The following MIGA2 variants were observed in gnomAD, a reference collection of about 807,000 sequenced individuals.
The protein encoded by MIGA2 is mitoguardin 2.
In MIGA2, 36 loss-of-function variants were observed where a neutral mutation model predicts 69.9. The ratio of observed to expected loss-of-function variants is 0.52; its 90% CI spans 0.39 to 0.68. The LOEUF is 0.68. MIGA2 is among the 30% of genes least tolerant of loss of function. The probability of loss-of-function intolerance (pLI) is 0.00; values close to 1 mark genes in which losing one functional copy is unlikely to be tolerated. For synonymous variants in MIGA2, 333 were observed against 349.2 expected, an observed-to-expected ratio of 0.95 and a Z score of 0.52; for missense variants, 660 against 787.7, an observed-to-expected ratio of 0.84 and a Z score of 1.94.
chr9:129,059,176 T>C lies in MIGA2; in HGVS notation c.698T>C (p.Phe233Ser), dbSNP rs1188056430. Residue 233 changes from phenylalanine to serine, a missense_variant, in exon 7 of 16, where the codon TTT (phenylalanine) becomes TCT (serine). Around this residue, in one of 3 missense-constraint regions of MIGA2, gnomAD observed 386 missense variants for 402.0 expected, o/e 0.96. Coordinates refer to ENST00000684074, the MANE Select transcript of MIGA2 (RefSeq NM_001329990.2). The surrounding 1 kb of genome is among the most constrained non-coding windows in gnomAD (Gnocchi z 5.6). ...LSEPESQRKE[F>S]AEKLESLLHR... Reference sequence around the variant, plus strand: ...CAGCCAGAGTCACAGCGGAAGGAGTTTGCAGAGAAGCTGGAGTCCCTGCTG... The same window carrying C: ...CAGCCAGAGTCACAGCGGAAGGAGTCTGCAGAGAAGCTGGAGTCCCTGCTG... The C allele has an allele frequency of 1.2e-6, 2 of 1,613,376 alleles. No homozygotes were observed. Among genetic ancestry groups the C allele is most frequent in the Non-Finnish European group, 1.7e-6 (2 of 1,179,698 alleles).
intron 3 of MIGA2, among the ~76,000 whole-genome samples, chr9:129,043,629 C>T (rs1211892241): frequency 7.9e-5 from 12 of 151,940 alleles, no homozygotes; most frequent in East Asian, 5.8e-4. Flanking sequence ...TCAAGTGATC[C>T]GCCCACCTCA....
At position 129,071,048 on chromosome 9, in the gene MIGA2, A is replaced by G. The variant is rs1372997412; in HGVS notation, c.*595A>G. 6.5e-6 allele frequency: 1 copy of G among 152,732 alleles called. No homozygotes were observed. The highest frequency in any genetic ancestry group is 1.5e-5 in the Non-Finnish European group (1 of 68,202). The allele number at this position is 152,732 out of a possible 1,614,324, so 9.5% of individuals were successfully genotyped here. On this transcript the variant is annotated 3_prime_UTR_variant, in exon 16 of 16. Coordinates refer to ENST00000684074, the MANE Select transcript of MIGA2 (RefSeq NM_001329990.2). ...CTTCTGAGCAGGAACTGGGCCCTTGACAGTGTCCTTTGACATTCCCTCGCC... is the reference window on the plus strand; with the variant it reads ...CTTCTGAGCAGGAACTGGGCCCTTGGCAGTGTCCTTTGACATTCCCTCGCC...
At chr9:129,042,113 T>C in intron 2 of MIGA2, 191 bp from the exon 3 acceptor site, 1 of 610,448 alleles carries the variant, frequency 1.6e-6, no homozygotes, top group Non-Finnish European at 3.0e-6. Flanking sequence ...TCTTTATGTT[T>C]TTGTGGCCTG....
At chr9:129,065,737 C>A (rs1055114871) in intron 11 of MIGA2, among the ~76,000 whole-genome samples, 6 of 152,170 alleles carry the variant, frequency 3.9e-5, no homozygotes, top group African/African-American at 9.7e-5. Flanking sequence ...GGAAGCCCCC[C>A]ACACCACTTT....
intron 11 of MIGA2, among the ~76,000 whole-genome samples, chr9:129,065,084 C>CA (rs2131389568): frequency 6.6e-6 from 1 of 150,922 alleles, no homozygotes; most frequent in South Asian, 2.1e-4. Flanking sequence ...CACCTGTCCT[C>CA]AATCTTTTTT....
At chr9:129,051,965 A>G (rs921711301) in intron 6 of MIGA2, among the ~76,000 whole-genome samples, 1 of 151,960 alleles carries the variant, frequency 6.6e-6, no homozygotes, top group African/African-American at 2.4e-5. Flanking sequence ...AGCTGGGACT[A>G]CAGGTGCCTA....
rs191714340 is a variant in MIGA2, at chr9:129,066,231, G to T, written c.1171-1542G>T. The stretch of plus-strand genomic sequence containing the variant: ...GACTGGATTTGAAGCCAGGTGGCCC[G>T]GACCCAGCCTGAGCCCTTGACTTGG... On this transcript the variant is annotated intron_variant, in intron 11 of 15. Coordinates refer to ENST00000684074, the MANE Select transcript of MIGA2 (RefSeq NM_001329990.2). Among the ~76,000 whole-genome samples the T allele has an allele frequency of 5.9e-5, 9 of 152,270 alleles. No homozygotes were observed. In the East Asian group the frequency reaches 1.7e-3, roughly 29 times the overall value.
Position 129,059,251 on chromosome 9 carries a change from A to G in MIGA2, c.773A>G (p.Asp258Gly). ...QEEFGSTFPA[D>G]SMLLDLERTL... ...GAGTTCGGCTCCACCTTCCCCGCAG[A>G]CAGCATGCTGCTAGACCTCGGTGAG... The change falls in exon 7 of 16, where the codon GAC becomes GGC. Residue 258 changes from aspartate (D) to glycine (G), a missense_variant. Around this residue, in one of 3 missense-constraint regions of MIGA2, gnomAD observed 386 missense variants for 402.0 expected, o/e 0.96. Transcript: ENST00000684074. The surrounding 1 kb of genome is among the most constrained non-coding windows in gnomAD (Gnocchi z 5.6). The G allele has an allele frequency of 6.3e-6, 10 of 1,586,898 alleles. No individual in the cohort carries two copies. The highest frequency in any genetic ancestry group is 7.7e-6 in the Non-Finnish European group (9 of 1,165,384).
Position 129,059,178 on chromosome 9 carries a change from G to T in MIGA2, c.700G>T (p.Ala234Ser), listed in dbSNP as rs1254768981. ...GCCAGAGTCACAGCGGAAGGAGTTT[G>T]CAGAGAAGCTGGAGTCCCTGCTGCA... ...SEPESQRKEF[A>S]EKLESLLHRA... Residue 234 changes from alanine (A) to serine (S), a missense_variant, in exon 7 of 16, where the codon GCA (alanine) becomes TCA (serine). Coordinates refer to ENST00000684074, the MANE Select transcript of MIGA2 (RefSeq NM_001329990.2). The surrounding 1 kb of genome is among the most constrained non-coding windows in gnomAD (Gnocchi z 5.6). 1 of 1,613,540 alleles carries T rather than the reference G, an allele frequency of 6.2e-7. No homozygotes were observed. The highest frequency in any genetic ancestry group is 8.5e-7 in the Non-Finnish European group (1 of 1,179,698).
chr9:129,051,363 C>T (rs142382295), intron 6 of MIGA2: 2,156 of 158,776 alleles, frequency 0.014, 57 homozygotes, highest in African/African-American at 0.044. Context: ...GTGCAACCTC[C>T]GCTTCCTGGG....
rs1473930045 is a variant in MIGA2, at chr9:129,042,532, G to A, written c.307+18G>A. Reference sequence around the variant, plus strand: ...GAAGAAAGGTAGGTGTGAGGTGGTGGGCATAGGCCTGACCTGAGGTCACAT... The same window carrying A: ...GAAGAAAGGTAGGTGTGAGGTGGTGAGCATAGGCCTGACCTGAGGTCACAT... On this transcript the variant is annotated intron_variant, in intron 3 of 15. Transcript: ENST00000684074. The A allele has an allele frequency of 6.5e-7, 1 of 1,545,576 alleles. No individual in the cohort carries two copies. Among genetic ancestry groups the A allele is most frequent in the Non-Finnish European group, 8.7e-7 (1 of 1,148,168 alleles).
In MIGA2 at chr9:129,068,722, C is replaced by T. The variant is rs980574741; in HGVS notation, c.1405-354C>T. On this transcript the variant is annotated intron_variant, in intron 13 of 15. Transcript: ENST00000684074. This position sits in a 1 kb window ranked among gnomAD's most constrained non-coding sequence, Gnocchi z 4.1. ...CCCAGGAAGGCAAGCAGTAACGCTC[C>T]AGCAGCCGGGCTGTGCTGCCTGGGC... 4 of 418,200 alleles carry T rather than the reference C, an allele frequency of 9.6e-6. No homozygotes were observed. The highest frequency in any genetic ancestry group is 6.0e-5 in the African/African-American group (3 of 49,986). The allele number at this position is 418,200 out of a possible 1,614,324, so 25.9% of individuals were successfully genotyped here.
Position 129,070,350 on chromosome 9 carries a change from G to A in MIGA2, c.1679G>A (p.Arg560His), listed in dbSNP as rs763100787. 1.2e-5 allele frequency: 19 copies of A among 1,612,886 alleles called. No individual in the cohort carries two copies. The highest frequency in any genetic ancestry group is 1.1e-4 in the African/African-American group (8 of 74,954). The change falls in exon 16 of 16, where the codon CGC (arginine) becomes CAC (histidine). Residue 560 changes from arginine (R) to histidine (H), a missense_variant. By Grantham distance (29) the Arg-to-His change is conservative. Around this residue, in one of 3 missense-constraint regions of MIGA2, gnomAD observed 220 missense variants for 301.7 expected, o/e 0.73. Coordinates refer to ENST00000684074, the MANE Select transcript of MIGA2 (RefSeq NM_001329990.2). ...ADDILQLSRR[R>H]SEILLGYLGV... ...GACATCCTGCAGCTGTCCCGGCGCC[G>A]CAGCGAGATATTGCTGGGGTACCTG...
At chr9:129,048,809 A>C (rs986302061) in intron 4 of MIGA2, among the ~76,000 whole-genome samples, 5 of 152,152 alleles carry the variant, frequency 3.3e-5, no homozygotes, top group African/African-American at 1.2e-4. Flanking sequence ...TTCATCAGCC[A>C]CTGACAAGCA....
In MIGA2 at chr9:129,070,526, G is replaced by A; in HGVS notation, c.*73G>A. The A allele has an allele frequency of 7.0e-7, 1 of 1,422,878 alleles. No homozygotes were observed. The highest frequency in any genetic ancestry group is 2.6e-5 in the Admixed American group (1 of 37,832). The allele number at this position is 1,422,878 out of a possible 1,614,324, so 88.1% of individuals were successfully genotyped here. A position where few individuals can be genotyped will look rare whatever the true frequency, so the allele number is the denominator to read the frequency against. ...CCCTGGGTTGGTATCTGACAGCTGT[G>A]GTGGCTGAGGGCCGTTGCCCCTGAC... On this transcript the variant is annotated 3_prime_UTR_variant, in exon 16 of 16. Coordinates refer to ENST00000684074, the MANE Select transcript of MIGA2 (RefSeq NM_001329990.2).
chr9:129,065,536 G>A (rs938063139), intron 11 of MIGA2, among the ~76,000 whole-genome samples: 6 of 151,966 alleles, frequency 3.9e-5, no homozygotes, highest in Non-Finnish European at 8.8e-5. Context: ...TTTTAGTAGA[G>A]ACAGGGTTTC....
At chr9:129,043,342 G>A (rs1381052847) in intron 3 of MIGA2, among the ~76,000 whole-genome samples, 2 of 151,514 alleles carry the variant, frequency 1.3e-5, no homozygotes, top group African/African-American at 4.8e-5. Context: ...AGTTCACTCA[G>A]TCGATTGCTC....
At chr9:129,046,539 C>T (rs1388830630) in intron 3 of MIGA2, among the ~76,000 whole-genome samples, 1 of 151,082 alleles carries the variant, frequency 6.6e-6, no homozygotes, top group East Asian at 2.0e-4. Flanking sequence ...CTCACTGCAA[C>T]CTCCGCCTTC....
intron 1 of MIGA2, among the ~76,000 whole-genome samples, chr9:129,039,625 C>T (rs1227553326): frequency 6.6e-6 from 1 of 152,128 alleles, no homozygotes; most frequent in South Asian, 2.1e-4. Context: ...GTGTTGTGAT[C>T]TCAGCTCACT....
Sources: gnomAD v4.1 joint callset for allele counts (sites outside exome capture counted in the v4.1 genomes callset) on GRCh38, gnomAD v4.1.1 for gene constraint, gnomAD v4.1.1 regional missense constraint, Gnocchi (gnomAD v3.1) non-coding constraint, MANE v1.5 for transcripts, NCBI Gene and HGNC (gene_info 2026-07-23, HGNC 2026-07-21) for gene names.